The following TSPAN18 variants were observed in gnomAD, a reference collection of about 807,000 sequenced individuals.
TSPAN18 encodes the protein tetraspanin 18, also known as tetraspanin-18.
Under a neutral mutation model 27.3 loss-of-function variants are expected in TSPAN18, and 14 were observed. The observed-to-expected ratio is 0.51, with a 90% CI of 0.34 to 0.80. The LOEUF (loss-of-function observed/expected upper bound fraction) is 0.80, where lower values mean the gene tolerates loss of function less well. Among genes scored for constraint, TSPAN18 ranks in the 30% least tolerant of loss-of-function variants. TSPAN18 has a pLI of 0.01. For missense variants in TSPAN18, 268 were observed against 323.9 expected, an observed-to-expected ratio of 0.83 and a Z score of 1.32; for synonymous variants, 143 against 136.5, an observed-to-expected ratio of 1.05 and a Z score of -0.33.
intron 4 of TSPAN18, among the ~76,000 whole-genome samples, chr11:44,907,023 C>A (rs181662738): frequency 6.6e-6 from 1 of 152,340 alleles, no homozygotes; most frequent in Admixed American, 6.5e-5. Context: ...TCTTAATGAC[C>A]TTCCTCAACA....
At chr11:44,803,856 C>G (rs1028861326) in intron 2 of TSPAN18, among the ~76,000 whole-genome samples, 3 of 152,172 alleles carry the variant, frequency 2.0e-5, no homozygotes, top group Non-Finnish European at 1.5e-5. Context: ...AGATGATAAA[C>G]TCAGCTTAGG....
At chr11:44,889,006 A>G (rs368633320) in intron 3 of TSPAN18, among the ~76,000 whole-genome samples, 1 of 152,212 alleles carries the variant, frequency 6.6e-6, no homozygotes, top group African/African-American at 2.4e-5. Context: ...TATAAATGGT[A>G]GTTTTTCCTG....
intron 3 of TSPAN18, among the ~76,000 whole-genome samples, chr11:44,875,629 A>G (rs997572602): frequency 1.3e-5 from 2 of 152,230 alleles, no homozygotes; most frequent in Non-Finnish European, 2.9e-5. Context: ...AAATCCTTGT[A>G]ACTACCTTGG....
chr11:44,864,132 C>G (rs1857969620), intron 3 of TSPAN18, among the ~76,000 whole-genome samples: 1 of 151,848 alleles, frequency 6.6e-6, no homozygotes, highest in South Asian at 2.1e-4. Context: ...ACTAAAAATA[C>G]AAAAATTAGC....
intron 3 of TSPAN18, among the ~76,000 whole-genome samples, chr11:44,862,065 G>T (rs1015661147): frequency 3.3e-5 from 5 of 152,044 alleles, no homozygotes; most frequent in African/African-American, 1.2e-4. Flanking sequence ...AGCCTCTTTA[G>T]GGTTTTTTGC....
chr11:44,730,841 G>GGCTGGT (rs1854637281), intron 1 of TSPAN18, among the ~76,000 whole-genome samples: 2 of 151,824 alleles, frequency 1.3e-5, no homozygotes, highest in South Asian at 4.2e-4. Context: ...GGTCAGGCTG[G>GGCTGGT]TCGCAAACTC....
At chr11:44,808,949 C>A (rs1856659416) in intron 2 of TSPAN18, among the ~76,000 whole-genome samples, 1 of 152,148 alleles carries the variant, frequency 6.6e-6, no homozygotes, top group Non-Finnish European at 1.5e-5. Context: ...CAGGCTTACA[C>A]CCCCTCGGAA....
intron 1 of TSPAN18, among the ~76,000 whole-genome samples, chr11:44,761,296 C>T (rs1855449538): frequency 6.6e-6 from 1 of 152,194 alleles, no homozygotes; most frequent in Non-Finnish European, 1.5e-5. Context: ...CACCCAGGAC[C>T]CGTTCCTGCT....
chr11:44,740,792 G>A lies in TSPAN18; in HGVS notation c.-240+13505G>A, dbSNP rs566746819. On this transcript the variant is annotated intron_variant, in intron 1 of 9. Coordinates refer to ENST00000520358, the MANE Select transcript of TSPAN18 (RefSeq NM_130783.5). ...CTAACAAACTCTCATGTTCCCTCTG[G>A]ACTTCTGTTTTGAGATGGAGTCTCT... 5.9e-5 allele frequency among the ~76,000 whole-genome samples: 9 copies of A among 152,210 alleles called. 1 individual carries two copies. In the South Asian group the frequency reaches 1.7e-3, roughly 28 times the overall value.
intron 4 of TSPAN18, among the ~76,000 whole-genome samples, chr11:44,908,086 A>ACAG (rs1278520390): frequency 6.7e-6 from 1 of 149,770 alleles, no homozygotes; most frequent in Non-Finnish European, 1.5e-5. Context: ...GAGACACTGC[A>ACAG]CAGCAGATGG....
chr11:44,857,186 ACT>A (rs1352111995), intron 2 of TSPAN18, among the ~76,000 whole-genome samples: 2 of 151,562 alleles, frequency 1.3e-5, no homozygotes, highest in East Asian at 1.9e-4. Context: ...TCCCTGGGGA[ACT>A]CTCTGCTGTT....
Position 44,842,543 on chromosome 11 carries a change from C to T in TSPAN18, c.-152-17785C>T, listed in dbSNP as rs574790084. Among the ~76,000 whole-genome samples the T allele has an allele frequency of 2.0e-5, 3 of 152,250 alleles. No individual in the cohort carries two copies. In the East Asian group the frequency reaches 5.8e-4, roughly 29 times the overall value. On this transcript the variant is annotated intron_variant, in intron 2 of 9. Transcript: ENST00000520358. ...AGGCCAAGAATGGCTGATTGACTTC[C>T]ATGAAGTCAGGGAGGGATAATAAGC...
Position 44,914,137 on chromosome 11 carries a change from T to TC in TSPAN18, c.259-3834dup, listed in dbSNP as rs531983779. 1.4e-4 allele frequency among the ~76,000 whole-genome samples: 22 copies of TC among 152,340 alleles called. No individual in the cohort carries two copies. The South Asian group carries it at 4.6e-3, about 32-fold the overall frequency. ...ATATCTCATCTCCTGATGCTTCAGC[T>TC]CAATGGAAACTCCATGAAGATGGGG... On this transcript the variant is annotated intron_variant, in intron 5 of 9. Coordinates refer to ENST00000520358, the MANE Select transcript of TSPAN18 (RefSeq NM_130783.5).
intron 2 of TSPAN18, among the ~76,000 whole-genome samples, chr11:44,772,445 C>T (rs920528221): frequency 2.0e-5 from 3 of 151,916 alleles, no homozygotes; most frequent in Non-Finnish European, 4.4e-5. Flanking sequence ...AAAAAGGTAA[C>T]GGGTCAACAG....
At chr11:44,874,884 C>A (rs1858288711) in intron 3 of TSPAN18, among the ~76,000 whole-genome samples, 1 of 152,200 alleles carries the variant, frequency 6.6e-6, no homozygotes, top group Non-Finnish European at 1.5e-5. Flanking sequence ...TCAGAGAATT[C>A]CACTGGAAGA....
intron 2 of TSPAN18, among the ~76,000 whole-genome samples, chr11:44,809,150 G>T (rs1407932757): frequency 6.6e-6 from 1 of 152,178 alleles, no homozygotes; most frequent in African/African-American, 2.4e-5. Flanking sequence ...CAGCCCATCT[G>T]TGGTGGAAGC....
intron 2 of TSPAN18, among the ~76,000 whole-genome samples, chr11:44,775,410 A>G (rs1855782345): frequency 6.6e-6 from 1 of 152,108 alleles, no homozygotes. Context: ...TCCTCTCCCC[A>G]TTTGTTGGGA....
At chr11:44,865,410 G>A (rs541446583) in intron 3 of TSPAN18, among the ~76,000 whole-genome samples, 1 of 152,296 alleles carries the variant, frequency 6.6e-6, no homozygotes, top group East Asian at 1.9e-4. Context: ...GATGATGATG[G>A]TGTATTTAAT....
intron 8 of TSPAN18, among the ~76,000 whole-genome samples, chr11:44,923,259 C>T (rs1022630994): frequency 8.5e-5 from 13 of 152,096 alleles, no homozygotes; most frequent in African/African-American, 2.9e-4. Flanking sequence ...GGCAACCAGG[C>T]CTGGCTGCCC....
Sources: gnomAD v4.1 joint callset for allele counts (sites outside exome capture counted in the v4.1 genomes callset) on GRCh38, gnomAD v4.1.1 for gene constraint, MANE v1.5 for transcripts, NCBI Gene and HGNC (gene_info 2026-07-23, HGNC 2026-07-21) for gene names.